Variants in PLA2G2A observed in about 807,000 individuals in gnomAD.
PLA2G2A encodes phospholipase A2, membrane associated.
In PLA2G2A, 6 loss-of-function variants were observed where a neutral mutation model predicts 11.2. That is an observed-to-expected ratio of 0.54 (90% CI 0.29 to 1.06). The LOEUF (loss-of-function observed/expected upper bound fraction) is 1.06. Among genes scored for constraint, PLA2G2A ranks in the 50% least tolerant of loss-of-function variants. The pLI is 0.08. For synonymous variants in PLA2G2A, 69 were observed against 65.8 expected (o/e 1.05, Z -0.23); for missense variants, 133 against 177.1 (o/e 0.75, Z 1.41).
Position 19,977,863 on chromosome 1 carries a change from A to G in PLA2G2A, c.292+152T>C, listed in dbSNP as rs933665206. The G allele has an allele frequency of 1.7e-5, 12 of 693,214 alleles. No individual in the cohort carries two copies. The African/African-American group carries it at 1.8e-4, about 10-fold the overall frequency. 42.9% of individuals were successfully genotyped at this position (693,214 alleles called of 1,614,324 possible). On this transcript the variant is annotated intron_variant, in intron 4 of 4. Coordinates refer to ENST00000482011, the Ensembl canonical transcript of PLA2G2A. ...TTTACTTCCCACTGGAGTCTTTACT[A>G]CATTGGATTTTCACTTTCCTGGCTT...
At chr1:19,978,341 C>A (rs541569364) in intron 3 of PLA2G2A, 39 bp downstream of exon 3, 2 of 1,602,174 alleles carry the variant, frequency 1.2e-6, no homozygotes, top group South Asian at 2.2e-5. Context: ...CCTGCCTGGG[C>A]CAGAGTCTAG....
chr1:19,977,875 C>T (rs2046241527), intron 4 of PLA2G2A, 140 bp downstream of exon 4: 3 of 708,912 alleles, frequency 4.2e-6, no homozygotes, highest in Non-Finnish European at 2.6e-6. Context: ...ATTGGATTTT[C>T]ACTTTCCTGG....
exon 2 of PLA2G2A, chr1:19,978,819 C>G: frequency 6.3e-7 from 1 of 1,594,988 alleles, no homozygotes. Flanking sequence ...GGCCTAGCTC[C>G]TCTGCTGGGT....
chr1:19,979,001 A>ACACAC, intron 1 of PLA2G2A, 122 bp from the exon 2 acceptor site: 18 of 525,352 alleles, frequency 3.4e-5, no homozygotes, highest in Non-Finnish European at 4.6e-5. Context: ...ACACACACAC[A>ACACAC]ACCACCTCCT....
Position 19,975,767 on chromosome 1 carries a change from C to T in PLA2G2A, c.369G>A (p.Thr123=), listed in dbSNP as rs779758986. The T allele has an allele frequency of 3.0e-5, 49 of 1,613,200 alleles. No individual in the cohort carries two copies. The East Asian group carries it at 4.2e-4, about 14-fold the overall frequency. The change falls in exon 5 of 5, where the codon ACG becomes ACA. Residue 123 remains threonine (T), a synonymous_variant. Transcript: ENST00000482011. ...AGTACTGGTACTTTTTATTGTAGGT[C>T]GTCTTGTTTCTAGCAAAACAGGTGG...
At chr1:19,979,249 A>G (rs1464338405) in intron 1 of PLA2G2A, among the ~76,000 whole-genome samples, 1 of 152,108 alleles carries the variant, frequency 6.6e-6, no homozygotes, top group East Asian at 1.9e-4. Context: ...TCTCCAAGGC[A>G]CCCATGGAGG....
intron 1 of PLA2G2A, among the ~76,000 whole-genome samples, 186 bp downstream of exon 1, chr1:19,979,394 C>A (rs3753827): frequency 0.41 from 62,584 of 151,996 alleles, 13,194 homozygotes; most frequent in South Asian, 0.5. Flanking sequence ...CACTCTCGTA[C>A]TTACCTGATA....
rs1420125967 is a variant in PLA2G2A, at chr1:19,976,390, G to A, written c.293-547C>T. ...CAGCCTGTCTCTTGACATCCCAGGT[G>A]TAGACACTGGCCACGTGGCATAGCT... On this transcript the variant is annotated intron_variant, in intron 4 of 4. Transcript: ENST00000482011. Among the ~76,000 whole-genome samples the A allele has an allele frequency of 5.3e-5, 8 of 152,212 alleles. No homozygotes were observed. In the East Asian group the frequency reaches 1.3e-3, roughly 26 times the overall value.
downstream of PLA2G2A, chr1:19,975,447 T>G (rs11573176): frequency 4.0e-3 from 2,183 of 541,124 alleles, 10 homozygotes; most frequent in Non-Finnish European, 5.7e-3. Flanking sequence ...ATTTGCTAAT[T>G]GCTTTATTCA....
At chr1:19,978,250 C>A in intron 3 of PLA2G2A, 129 bp from the exon 4 acceptor site, 1 of 1,374,612 alleles carries the variant, frequency 7.3e-7, no homozygotes, top group Non-Finnish European at 1.0e-6. Context: ...GAAGTTCCAA[C>A]ATGCCGGCTG....
chr1:19,978,185 C>T (rs1443583743), intron 3 of PLA2G2A, 64 bp from the exon 4 acceptor site: 2 of 1,396,646 alleles, frequency 1.4e-6, no homozygotes, highest in Admixed American at 1.7e-5. Flanking sequence ...TGCCTGTGGT[C>T]TCACCCCCTT....
downstream of PLA2G2A, chr1:19,975,463 G>C: frequency 1.7e-6 from 1 of 576,686 alleles, no homozygotes; most frequent in Non-Finnish European, 3.1e-6. Context: ...ATTCAGAAGA[G>C]ACCCCCCGGA....
chr1:19,978,973 G>GCATGCACACACACA (rs2046265011), intron 1 of PLA2G2A, 94 bp from the exon 2 acceptor site: 1 of 484,672 alleles, frequency 2.1e-6, no homozygotes, highest in East Asian at 3.6e-5. Flanking sequence ...CTCCAGCAAT[G>GCATGCACACACACA]CACACACACA....
intron 1 of PLA2G2A, 161 bp from the exon 2 acceptor site, chr1:19,979,040 TCA>T: frequency 1.8e-6 from 1 of 564,236 alleles, no homozygotes; most frequent in Admixed American, 2.8e-5. Flanking sequence ...CAGAATGGTT[TCA>T]CACACATCAG....
intron 1 of PLA2G2A, among the ~76,000 whole-genome samples, chr1:19,979,252 C>A (rs2046269215): frequency 6.6e-6 from 1 of 152,154 alleles, no homozygotes; most frequent in Non-Finnish European, 1.5e-5. Flanking sequence ...CCAAGGCACC[C>A]ATGGAGGCTC....
rs2236771 is a variant in PLA2G2A at position 19,978,469 on chromosome 1, C to G, written c.96G>C (p.Thr32=). ...AACTGAGTGCGGCTTCCTTTCCTGT[C>G]GTCAACTTGATCATTCTGTGGAAAT... Residue 32 remains threonine, a synonymous_variant, in exon 3 of 5, where the codon ACG becomes ACC. Transcript: ENST00000482011. 149,620 of 1,613,622 alleles carry G rather than the reference C, an allele frequency of 0.093. 8,138 individuals carry two copies. Among genetic ancestry groups the G allele is most frequent in the East Asian group, 0.24 (10,628 of 44,842 alleles).
Position 19,975,831 on chromosome 1 carries a change from G to T in PLA2G2A, c.305C>A (p.Ser102Tyr), listed in dbSNP as rs774806298. 4 of 1,613,848 alleles carry T rather than the reference G, an allele frequency of 2.5e-6. No homozygotes were observed. The Admixed American group carries it at 6.7e-5, about 27-fold the overall frequency. ...ACACTCACACAGTTGACTTCTGCAG[G>T]AGTCCTGTTTTGCTGAAATCATAAG... The change falls in exon 5 of 5, where the codon TCC becomes TAC. Residue 102 changes from serine (S) to tyrosine (Y), a missense_variant. Coordinates refer to ENST00000482011, the Ensembl canonical transcript of PLA2G2A.
upstream of PLA2G2A, among the ~76,000 whole-genome samples, chr1:19,980,146 C>T (rs750093932): frequency 1.3e-5 from 2 of 152,216 alleles, no homozygotes; most frequent in Non-Finnish European, 2.9e-5. Context: ...GTGCAGGCCT[C>T]ACGTGTGCAC....
chr1:19,978,313 G>A (rs915547215), intron 3 of PLA2G2A, 67 bp downstream of exon 3: 9 of 1,578,036 alleles, frequency 5.7e-6, no homozygotes, highest in South Asian at 1.1e-5. Context: ...AACCGGCACT[G>A]TCTTTGCAGC....
Sources: allele counts gnomAD v4.1 joint callset (sites outside exome capture counted in the v4.1 genomes callset), GRCh38; gene constraint gnomAD v4.1.1; transcripts MANE v1.5; gene names NCBI Gene and HGNC (gene_info 2026-07-23, HGNC 2026-07-21).